CSMD1: variants seen among roughly 807,000 people sequenced by gnomAD.
CSMD1 encodes CUB and sushi domain-containing protein 1.
In CSMD1, 213 loss-of-function variants were observed where a neutral mutation model predicts 417.5. The ratio of observed to expected loss-of-function variants is 0.51; its 90% CI spans 0.46 to 0.57. CSMD1 has a LOEUF of 0.57. Among genes scored for constraint, CSMD1 ranks in the 20% least tolerant of loss-of-function variants. The probability of loss-of-function intolerance (pLI) is 0.00; values close to 1 mark genes in which losing one functional copy is unlikely to be tolerated. For missense variants in CSMD1, 6,923 were observed against 4,529.7 expected (o/e 1.53, Z -15.17); for synonymous variants, 2,862 against 1,736.8 (o/e 1.65, Z -16.11).
intron 1 of CSMD1, among the ~76,000 whole-genome samples, chr8:4,678,106 A>G (rs1039324817): frequency 2.6e-5 from 4 of 152,164 alleles, no homozygotes; most frequent in African/African-American, 9.7e-5. Flanking sequence ...AGCTGGAAGG[A>G]GCAAAACAGT....
chr8:3,549,703 C>A (rs1798827905), intron 10 of CSMD1, among the ~76,000 whole-genome samples: 1 of 152,112 alleles, frequency 6.6e-6, no homozygotes, highest in South Asian at 2.1e-4. Flanking sequence ...CCGTGTGCTG[C>A]CTTGGGCCTC....
At chr8:3,655,957 T>C (rs577881343) in intron 7 of CSMD1, among the ~76,000 whole-genome samples, 22 of 152,292 alleles carry the variant, frequency 1.4e-4, no homozygotes, top group African/African-American at 4.8e-4. Context: ...CTCTGATTCC[T>C]GTCCCACCTG....
At position 3,542,437 on chromosome 8, in the gene CSMD1, T is replaced by G. The variant is rs558021838; in HGVS notation, c.1344+32508A>C. On this transcript the variant is annotated intron_variant, in intron 10 of 69. Coordinates refer to ENST00000635120, the MANE Select transcript of CSMD1 (RefSeq NM_033225.6). ...ATACCGTTCTACGATTGGATGTGCG[T>G]TAGGGAATGAAACTGACAGTCTCTG... Among the ~76,000 whole-genome samples the G allele has an allele frequency of 8.5e-4, 129 of 152,306 alleles. 2 individuals carry two copies. Among genetic ancestry groups the G allele is most frequent in the Middle Eastern group, 3.4e-3 (1 of 294 alleles).
chr8:4,993,909 G>T (rs374028639), intron 1 of CSMD1, among the ~76,000 whole-genome samples: 50 of 152,190 alleles, frequency 3.3e-4, no homozygotes, highest in African/African-American at 1.2e-3. Context: ...CTTCACCCGG[G>T]ACGCTTTCCC....
At chr8:3,893,838 C>G (rs577829555) in intron 5 of CSMD1, among the ~76,000 whole-genome samples, 1 of 152,070 alleles carries the variant, frequency 6.6e-6, no homozygotes, top group East Asian at 1.9e-4. Context: ...CCAGACTGAC[C>G]CTTTGTTCAT....
chr8:4,167,291 C>A (rs935342100), intron 3 of CSMD1, among the ~76,000 whole-genome samples: 1 of 152,070 alleles, frequency 6.6e-6, no homozygotes, highest in Non-Finnish European at 1.5e-5. Flanking sequence ...AAATTCGTGT[C>A]TATAACAGAA....
chr8:3,531,448 C>G (rs1476943989), intron 10 of CSMD1, among the ~76,000 whole-genome samples: 1 of 152,140 alleles, frequency 6.6e-6, no homozygotes, highest in South Asian at 2.1e-4. Flanking sequence ...CATCACCCCT[C>G]AAAAAATCAA....
intron 3 of CSMD1, among the ~76,000 whole-genome samples, chr8:4,129,498 A>G (rs1802967553): frequency 2.6e-5 from 4 of 152,194 alleles, no homozygotes. Flanking sequence ...AAAGTCTAGG[A>G]GTAAATGACA....
chr8:3,452,987 A>G (rs1815849523), intron 12 of CSMD1, among the ~76,000 whole-genome samples: 1 of 152,126 alleles, frequency 6.6e-6, no homozygotes, highest in South Asian at 2.1e-4. Context: ...TATTGCCTCT[A>G]TTTCAGAGCC....
intron 3 of CSMD1, among the ~76,000 whole-genome samples, chr8:4,236,833 A>AGAAGTCACTG (rs1802095064): frequency 6.6e-6 from 1 of 152,214 alleles, no homozygotes; most frequent in South Asian, 2.1e-4. Context: ...TTCCAAATAT[A>AGAAGTCACTG]GAAGTCACTG....
At chr8:4,625,448 A>G (rs1164914836) in intron 2 of CSMD1, among the ~76,000 whole-genome samples, 2 of 152,042 alleles carry the variant, frequency 1.3e-5, no homozygotes, top group African/African-American at 4.8e-5. Context: ...TAATGAGTCT[A>G]CATTTATGAG....
At chr8:3,022,566 T>C (rs555607383) in intron 51 of CSMD1, among the ~76,000 whole-genome samples, 1 of 152,216 alleles carries the variant, frequency 6.6e-6, no homozygotes, top group Non-Finnish European at 1.5e-5. Flanking sequence ...TATTGTGACA[T>C]ATCAGTTCTC....
rs28663399 is a variant in CSMD1, at chr8:4,763,095, A to C, written c.86-125537T>G. On this transcript the variant is annotated intron_variant, in intron 1 of 69. Coordinates refer to ENST00000635120, the MANE Select transcript of CSMD1 (RefSeq NM_033225.6). ...TGTCAAAAATTGTTGAATGGACAGA[A>C]AAGATACCAAACTCAGCATGAAGTT... is the stretch of plus-strand genomic sequence containing the variant. Among the ~76,000 whole-genome samples, 8 of 152,254 alleles carry C rather than the reference A, an allele frequency of 5.3e-5. No individual in the cohort carries two copies. The South Asian group carries it at 1.0e-3, about 20-fold the overall frequency.
At chr8:4,497,878 G>A (rs1189983996) in intron 2 of CSMD1, among the ~76,000 whole-genome samples, 1 of 152,098 alleles carries the variant, frequency 6.6e-6, no homozygotes, top group East Asian at 1.9e-4. Flanking sequence ...AAATGCTCAG[G>A]CATCCTGTTG....
intron 3 of CSMD1, among the ~76,000 whole-genome samples, chr8:4,119,089 C>G (rs1443143679): frequency 6.6e-6 from 1 of 151,996 alleles, no homozygotes; most frequent in African/African-American, 2.4e-5. Context: ...AGGGACCTGT[C>G]AGTGGGTGGG....
chr8:4,666,049 A>G (rs1279784633), intron 1 of CSMD1, among the ~76,000 whole-genome samples: 1 of 152,120 alleles, frequency 6.6e-6, no homozygotes, highest in Non-Finnish European at 1.5e-5. Flanking sequence ...GCTTTAAGCC[A>G]TAGTAACTGG....
intron 52 of CSMD1, among the ~76,000 whole-genome samples, chr8:3,014,880 C>T (rs893133249): frequency 1.7e-4 from 26 of 150,246 alleles, no homozygotes; most frequent in African/African-American, 5.5e-4. Context: ...TGCACCACTG[C>T]ACTCCAGCCT....
intron 1 of CSMD1, among the ~76,000 whole-genome samples, chr8:4,696,714 C>G (rs1328036906): frequency 6.6e-6 from 1 of 152,296 alleles, no homozygotes; most frequent in African/African-American, 2.4e-5. Context: ...AGGACTTTAT[C>G]TATTTCACTA....
At chr8:3,524,210 C>A (rs544803346) in intron 10 of CSMD1, among the ~76,000 whole-genome samples, 3 of 151,516 alleles carry the variant, frequency 2.0e-5, no homozygotes, top group East Asian at 3.9e-4. Flanking sequence ...CACATGCAAC[C>A]CAGACAATAT....
Sources: allele counts gnomAD v4.1 joint callset (sites outside exome capture counted in the v4.1 genomes callset), GRCh38; gene constraint gnomAD v4.1.1; transcripts MANE v1.5; gene names NCBI Gene and HGNC (gene_info 2026-07-23, HGNC 2026-07-21).